The following CLSTN2 variants were observed in gnomAD, a reference collection of about 807,000 sequenced individuals.
CLSTN2 encodes the protein calsyntenin 2, also known as calsyntenin-2.
In CLSTN2, 48 loss-of-function variants were observed where a neutral mutation model predicts 101.2. That is an observed-to-expected ratio of 0.47 (90% CI 0.38 to 0.60). CLSTN2 has a LOEUF of 0.60. Among genes scored for constraint, CLSTN2 ranks in the 20% least tolerant of loss-of-function variants. CLSTN2 has a pLI of 0.00. For synonymous variants in CLSTN2, 481 were observed against 463.6 expected, an observed-to-expected ratio of 1.04 and a Z score of -0.48; for missense variants, 1,160 against 1,238.2, an observed-to-expected ratio of 0.94 and a Z score of 0.95.
rs774346257 is a variant in CLSTN2, at chr3:140,562,262, A to C, written c.2166A>C (p.Gln722His). 6.2e-7 allele frequency: 1 copy of C among 1,613,946 alleles called. No individual in the cohort carries two copies. The highest frequency in any genetic ancestry group is 1.1e-5 in the South Asian group (1 of 91,058). The change falls in exon 13 of 17, where the codon CAA (glutamine) becomes CAC (histidine). Residue 722 changes from glutamine to histidine, a missense_variant. Transcript: ENST00000458420. The stretch of plus-strand genomic sequence containing the variant: ...AGCTCAACCACAGTGAGCTCCACCA[A>C]CGACACCTGGATGCCACTAATTCTA... ...CLELNHSELH[Q>H]RHLDATNSTA...
chr3:140,473,581 T>C (rs1576587674), intron 8 of CLSTN2, among the ~76,000 whole-genome samples: 1 of 152,164 alleles, frequency 6.6e-6, no homozygotes, highest in Admixed American at 6.5e-5. Context: ...ATTCAAGGAA[T>C]GCAGCAGCCT....
chr3:140,363,665 G>T (rs370523952), intron 2 of CLSTN2, among the ~76,000 whole-genome samples: 9 of 152,172 alleles, frequency 5.9e-5, no homozygotes, highest in African/African-American at 2.2e-4. Flanking sequence ...TTCCACCCAA[G>T]CCGGGTTCCT....
At chr3:140,437,122 C>T (rs2088696365) in intron 5 of CLSTN2, among the ~76,000 whole-genome samples, 1 of 150,376 alleles carries the variant, frequency 6.6e-6, no homozygotes, top group Non-Finnish European at 1.5e-5. Context: ...AATCTCAGCT[C>T]ACTGCAAGGT....
intron 2 of CLSTN2, among the ~76,000 whole-genome samples, chr3:140,295,679 T>C (rs2086995703): frequency 1.3e-5 from 2 of 152,176 alleles, no homozygotes; most frequent in Non-Finnish European, 1.5e-5. Flanking sequence ...TAGAGATAAG[T>C]ACAAATACAT....
intron 1 of CLSTN2, among the ~76,000 whole-genome samples, chr3:139,962,316 T>C (rs1316248516): frequency 6.6e-6 from 1 of 152,202 alleles, no homozygotes; most frequent in African/African-American, 2.4e-5. Context: ...TGAAAGTATA[T>C]GATCTGATAA....
intron 1 of CLSTN2, among the ~76,000 whole-genome samples, chr3:140,027,947 C>T (rs1368894039): frequency 6.6e-6 from 1 of 152,178 alleles, no homozygotes; most frequent in African/African-American, 2.4e-5. Flanking sequence ...ACTTACTTGC[C>T]CTCTCTGAGC....
chr3:140,385,110 G>T (rs2088035431), intron 2 of CLSTN2, among the ~76,000 whole-genome samples: 1 of 152,162 alleles, frequency 6.6e-6, no homozygotes, highest in South Asian at 2.1e-4. Context: ...CAGGGTTGGT[G>T]GTAGGGTGAG....
At chr3:140,538,308 T>G (rs1006463311) in intron 9 of CLSTN2, among the ~76,000 whole-genome samples, 1 of 152,178 alleles carries the variant, frequency 6.6e-6, no homozygotes, top group African/African-American at 2.4e-5. Flanking sequence ...TGGATCCTGG[T>G]CTTGCTGAAT....
chr3:140,104,056 T>C lies in CLSTN2; in HGVS notation c.110-71895T>C, dbSNP rs549509943. On this transcript the variant is annotated intron_variant, in intron 1 of 16. Transcript: ENST00000458420. ...GGAGATACTTGTTCACATTAAAGAC[T>C]GGTAAATTTAGCTGGAATGGAAGGA... 2.6e-5 allele frequency among the ~76,000 whole-genome samples: 4 copies of C among 152,340 alleles called. No individual in the cohort carries two copies. In the South Asian group the frequency reaches 8.3e-4, roughly 32 times the overall value.
At chr3:140,372,150 C>A (rs1168103596) in intron 2 of CLSTN2, among the ~76,000 whole-genome samples, 1 of 152,164 alleles carries the variant, frequency 6.6e-6, no homozygotes, top group Non-Finnish European at 1.5e-5. Context: ...ACACTCATGT[C>A]TTTCTCCCCA....
intron 2 of CLSTN2, among the ~76,000 whole-genome samples, chr3:140,248,123 C>T (rs1349523121): frequency 1.3e-5 from 2 of 152,218 alleles, no homozygotes; most frequent in Admixed American, 6.5e-5. Flanking sequence ...AAAGACCTGT[C>T]TGTGGGTATC....
At chr3:140,517,905 T>A (rs1306589596) in intron 8 of CLSTN2, among the ~76,000 whole-genome samples, 2 of 152,166 alleles carry the variant, frequency 1.3e-5, no homozygotes, top group Non-Finnish European at 2.9e-5. Context: ...ATTTCCTTTG[T>A]CTTTGGCTAC....
At chr3:140,135,893 C>T (rs747453054) in intron 1 of CLSTN2, among the ~76,000 whole-genome samples, 6 of 152,162 alleles carry the variant, frequency 3.9e-5, no homozygotes, top group Admixed American at 6.6e-5. Context: ...CTGTTTGTCT[C>T]GAGAGCATTG....
intron 8 of CLSTN2, among the ~76,000 whole-genome samples, chr3:140,515,134 T>G (rs187821464): frequency 7.4e-6 from 1 of 135,942 alleles, no homozygotes; most frequent in South Asian, 2.1e-4. Flanking sequence ...TTTATTCCTC[T>G]CCTCTAGGTT....
At chr3:140,477,638 T>C (rs1233925617) in intron 8 of CLSTN2, among the ~76,000 whole-genome samples, 1 of 152,156 alleles carries the variant, frequency 6.6e-6, no homozygotes, top group Non-Finnish European at 1.5e-5. Context: ...CTCTGAAAAA[T>C]TAAGTCATTT....
chr3:140,448,903 C>T (rs147257611), intron 6 of CLSTN2, among the ~76,000 whole-genome samples, 199 bp downstream of exon 6: 1 of 152,300 alleles, frequency 6.6e-6, no homozygotes, highest in African/African-American at 2.4e-5. Flanking sequence ...CTGACTCAGA[C>T]TCCATTTATT....
intron 2 of CLSTN2, among the ~76,000 whole-genome samples, chr3:140,187,834 T>A (rs989663459): frequency 2.4e-4 from 36 of 152,152 alleles, no homozygotes; most frequent in African/African-American, 8.4e-4. Flanking sequence ...CTGAGCCAAA[T>A]GCAACCCAAC....
chr3:139,959,094 A>G (rs1230561807), intron 1 of CLSTN2, among the ~76,000 whole-genome samples: 2 of 151,998 alleles, frequency 1.3e-5, no homozygotes, highest in Non-Finnish European at 2.9e-5. Flanking sequence ...GGGCAATCTC[A>G]CTGTCAGTGA....
intron 2 of CLSTN2, among the ~76,000 whole-genome samples, chr3:140,252,049 C>T (rs1331560392): frequency 3.3e-5 from 5 of 152,070 alleles, no homozygotes; most frequent in East Asian, 3.9e-4. Context: ...GATGGAGAGG[C>T]ATTGGAGAAT....
Sources: gnomAD v4.1 joint callset for allele counts (sites outside exome capture counted in the v4.1 genomes callset) on GRCh38, gnomAD v4.1.1 for gene constraint, MANE v1.5 for transcripts, NCBI Gene and HGNC (gene_info 2026-07-23, HGNC 2026-07-21) for gene names.